GPHN: variants seen among roughly 807,000 people sequenced by gnomAD.
GPHN encodes the protein gephyrin.
Under a neutral mutation model 95.5 loss-of-function variants are expected in GPHN, and 17 were observed. The observed-to-expected ratio is 0.18, with a 90% CI of 0.12 to 0.27. GPHN has a LOEUF of 0.27. Among genes scored for constraint, GPHN ranks in the 10% least tolerant of loss-of-function variants. GPHN has a pLI of 1.00. For missense variants in GPHN, 660 were observed against 978.1 expected, an observed-to-expected ratio of 0.67 and a Z score of 4.34; for synonymous variants, 320 against 322.5, an observed-to-expected ratio of 0.99 and a Z score of 0.08.
the GPHN span, among the ~76,000 whole-genome samples, chr14:67,356,786 T>C: frequency 6.6e-6 from 1 of 152,142 alleles, no homozygotes; most frequent in Non-Finnish European, 1.5e-5. Context: ...TCACAAGAGG[T>C]CTTATCAAGT....
chr14:67,632,502 T>C, the GPHN span, among the ~76,000 whole-genome samples: 1 of 152,138 alleles, frequency 6.6e-6, no homozygotes, highest in African/African-American at 2.4e-5. Flanking sequence ...ACTTCTCATA[T>C]CTTAACACAG....
chr14:66,642,245 A>T (rs1471364912), intron 1 of GPHN, among the ~76,000 whole-genome samples: 1 of 152,186 alleles, frequency 6.6e-6, no homozygotes, highest in Non-Finnish European at 1.5e-5. Context: ...GAGTGGGCCC[A>T]GTCTAATCAC....
intron 4 of GPHN, among the ~76,000 whole-genome samples, chr14:66,857,035 A>T (rs79243202): frequency 0.016 from 2,380 of 152,260 alleles, 33 homozygotes; most frequent in Non-Finnish European, 0.018. Flanking sequence ...CTTACTAAAG[A>T]CAGAAAAAAG....
intron 1 of GPHN, among the ~76,000 whole-genome samples, chr14:66,617,104 C>T (rs1317022104): frequency 6.6e-6 from 1 of 152,188 alleles, no homozygotes; most frequent in East Asian, 1.9e-4. Flanking sequence ...TTCCCGGATT[C>T]CTCAGAACCA....
At chr14:66,873,122 G>A (rs1370128765) in intron 4 of GPHN, among the ~76,000 whole-genome samples, 1 of 152,158 alleles carries the variant, frequency 6.6e-6, no homozygotes, top group Admixed American at 6.5e-5. Flanking sequence ...TGCAGCCCAT[G>A]GAGGGTGAGC....
the GPHN span, chr14:67,321,200 G>C: frequency 6.2e-7 from 1 of 1,614,100 alleles, no homozygotes; most frequent in African/African-American, 1.3e-5. Flanking sequence ...AACTAGCATA[G>C]ATTCTGTACG....
intron 12 of GPHN, among the ~76,000 whole-genome samples, chr14:67,098,060 G>A (rs1412327740): frequency 6.6e-6 from 1 of 151,992 alleles, no homozygotes; most frequent in African/African-American, 2.4e-5. Flanking sequence ...GAAAAACCTT[G>A]TAACACACAC....
At chr14:67,245,705 C>T in the GPHN span, among the ~76,000 whole-genome samples, 2 of 152,062 alleles carry the variant, frequency 1.3e-5, no homozygotes, top group Admixed American at 6.6e-5. Context: ...GGTTTTCTTC[C>T]ACTCTGGCTT....
chr14:67,689,681 C>T, the GPHN span, among the ~76,000 whole-genome samples: 1 of 152,172 alleles, frequency 6.6e-6, no homozygotes, highest in African/African-American at 2.4e-5. Flanking sequence ...CGGTGGCTCA[C>T]ACCTAAAATC....
At chr14:66,744,459 A>G (rs2058061933) in intron 2 of GPHN, among the ~76,000 whole-genome samples, 1 of 152,198 alleles carries the variant, frequency 6.6e-6, no homozygotes, top group South Asian at 2.1e-4. Context: ...TGTATATGAG[A>G]ATGAGTTCTT....
the GPHN span, among the ~76,000 whole-genome samples, chr14:67,525,055 C>G: frequency 6.6e-6 from 1 of 152,158 alleles, no homozygotes; most frequent in Non-Finnish European, 1.5e-5. Flanking sequence ...AGGATCAATA[C>G]TTTTAAAACA....
At chr14:66,545,619 C>T (rs1594901090) in intron 1 of GPHN, among the ~76,000 whole-genome samples, 1 of 130,252 alleles carries the variant, frequency 7.7e-6, no homozygotes. Context: ...CTGACCCCCC[C>T]ACCTCCCTCC....
At chr14:66,675,254 C>T (rs1056436479) in intron 1 of GPHN, among the ~76,000 whole-genome samples, 6 of 151,830 alleles carry the variant, frequency 4.0e-5, no homozygotes, top group African/African-American at 1.2e-4. Context: ...AGCGATTCTC[C>T]TGCCTCAGCC....
At chr14:66,947,038 G>T (rs2067798670) in intron 8 of GPHN, among the ~76,000 whole-genome samples, 1 of 152,078 alleles carries the variant, frequency 6.6e-6, no homozygotes, top group Non-Finnish European at 1.5e-5. Flanking sequence ...CCCTTCAATG[G>T]ATTCTTATCA....
chr14:67,722,123 C>A, the GPHN span, among the ~76,000 whole-genome samples: 1 of 152,140 alleles, frequency 6.6e-6, no homozygotes, highest in African/African-American at 2.4e-5. Context: ...GTCACTGCCC[C>A]CTCCTCCCTA....
At chr14:67,372,801 C>G in the GPHN span, among the ~76,000 whole-genome samples, 1 of 150,892 alleles carries the variant, frequency 6.6e-6, no homozygotes, top group Non-Finnish European at 1.5e-5. Context: ...GCACTCCAGC[C>G]TGGCGACAGA....
At chr14:67,438,860 C>CAAAAA in the GPHN span, among the ~76,000 whole-genome samples, 2 of 56,034 alleles carry the variant, frequency 3.6e-5, no homozygotes, top group Non-Finnish European at 8.7e-5. Context: ...GACTCCGTCT[C>CAAAAA]AAAAAAAAAA....
At chr14:66,773,993 GTTTTTTTTTTTTTTTT>G (rs1172451199) in intron 2 of GPHN, among the ~76,000 whole-genome samples, 1 of 89,974 alleles carries the variant, frequency 1.1e-5, no homozygotes, top group African/African-American at 5.1e-5. Context: ...TATCTAGAAA[GTTTTTTTTTTTTTTTT>G]TTTTTTTTTT....
At chr14:66,974,639 G>A (rs976854444) in intron 9 of GPHN, among the ~76,000 whole-genome samples, 1 of 151,428 alleles carries the variant, frequency 6.6e-6, no homozygotes, top group African/African-American at 2.4e-5. Context: ...TTTCTTTTTT[G>A]TTTAAAAAAA....
Sources: allele counts gnomAD v4.1 joint callset (sites outside exome capture counted in the v4.1 genomes callset), GRCh38; gene constraint gnomAD v4.1.1; transcripts MANE v1.5; gene names NCBI Gene and HGNC (gene_info 2026-07-23, HGNC 2026-07-21).